SYNE1: variants seen among roughly 807,000 people sequenced by gnomAD.
SYNE1 encodes spectrin repeat containing nuclear envelope protein 1.
Under a neutral mutation model 1,111.0 loss-of-function variants are expected in SYNE1, and 616 were observed. That is an observed-to-expected ratio of 0.55 (90% confidence interval 0.52 to 0.59). SYNE1 has a LOEUF of 0.59. SYNE1 is among the 20% of genes least tolerant of loss of function. The pLI is 0.00. For missense variants in SYNE1, 10,006 were observed against 10,417.0 expected (o/e 0.96, Z 1.72); for synonymous variants, 3,855 against 3,825.8 (o/e 1.01, Z -0.28).
At position 152,611,983 on chromosome 6, in the gene SYNE1, G is replaced by A. The variant is rs540839746; in HGVS notation, c.67+16282C>T. On this transcript the variant is annotated intron_variant, in intron 3 of 145. Transcript: ENST00000367255. ...AGACACAGCATACCAGAATCTCTGGGACACATTTAAAGCAGTGTGTAGAGG... is the reference window on the plus strand; with the variant it reads ...AGACACAGCATACCAGAATCTCTGGAACACATTTAAAGCAGTGTGTAGAGG... Among the ~76,000 whole-genome samples the A allele has an allele frequency of 2.6e-5, 4 of 151,946 alleles. No individual in the cohort carries two copies. The East Asian group carries it at 7.8e-4, about 30-fold the overall frequency.
intron 12 of SYNE1, among the ~76,000 whole-genome samples, chr6:152,485,462 T>G (rs145447629): frequency 1.3e-5 from 2 of 152,324 alleles, no homozygotes; most frequent in Non-Finnish European, 1.5e-5. Context: ...CTGTCTAGAT[T>G]TGTGTTTAAG....
intron 53 of SYNE1, among the ~76,000 whole-genome samples, chr6:152,388,092 C>T (rs185317127): frequency 6.6e-6 from 1 of 152,258 alleles, no homozygotes; most frequent in African/African-American, 2.4e-5. Context: ...TGCATACAAG[C>T]CTATGAGTCT....
chr6:152,268,025 G>T, intron 100 of SYNE1, 31 bp downstream of exon 100: 2 of 1,556,118 alleles, frequency 1.3e-6, no homozygotes, highest in Non-Finnish European at 1.8e-6. Flanking sequence ...GAAACACAAT[G>T]AAGAGAAAAT....
chr6:152,236,220 G>A lies in SYNE1; in HGVS notation c.20283C>T (p.Ser6761=), dbSNP rs2084000768. ...DDGKRLLISI[S]CSDLESQLNQ... ...TTAGTTGGCTTTCTAGATCTGAGCA[G>A]CTGATGGATATCAGAAGTCGTTTCC... Residue 6761 remains serine, a synonymous_variant, in exon 110 of 146, where the codon AGC becomes AGT. Coordinates refer to ENST00000367255, the MANE Select transcript of SYNE1 (RefSeq NM_182961.4). The A allele has an allele frequency of 1.2e-6, 2 of 1,613,992 alleles. No individual in the cohort carries two copies.
At chr6:152,237,391 A>G (rs73005452) in intron 108 of SYNE1, among the ~76,000 whole-genome samples, 8,231 of 148,080 alleles carry the variant, frequency 0.056, 319 homozygotes, top group Admixed American at 0.1. Context: ...ATCACTGTAG[A>G]CTCGAACTCC....
chr6:152,423,763 C>T (rs1421119216), intron 39 of SYNE1, among the ~76,000 whole-genome samples: 2 of 152,156 alleles, frequency 1.3e-5, no homozygotes, highest in African/African-American at 4.8e-5. Flanking sequence ...ACAGCTCTGC[C>T]CCATATTCCC....
At chr6:152,222,465 A>G (rs1489592524) in intron 117 of SYNE1, among the ~76,000 whole-genome samples, 1 of 152,356 alleles carries the variant, frequency 6.6e-6, no homozygotes, top group South Asian at 2.1e-4. Flanking sequence ...GACTCTAAGA[A>G]GGCACAGCTT....
chr6:152,291,895 T>C (rs982858283), intron 95 of SYNE1, among the ~76,000 whole-genome samples: 2 of 152,108 alleles, frequency 1.3e-5, no homozygotes, highest in Non-Finnish European at 1.5e-5. Flanking sequence ...CTATATTCCT[T>C]CTGAATGCTT....
intron 3 of SYNE1, among the ~76,000 whole-genome samples, chr6:152,614,941 T>C (rs1269929340): frequency 1.3e-5 from 2 of 151,926 alleles, no homozygotes; most frequent in Non-Finnish European, 2.9e-5. Flanking sequence ...ATGAGAACAC[T>C]TGGAGACGGG....
intron 86 of SYNE1, 61 bp downstream of exon 86, chr6:152,318,020 A>T: frequency 6.3e-7 from 1 of 1,594,774 alleles, no homozygotes; most frequent in Non-Finnish European, 8.6e-7. Context: ...TTCAAAAGAG[A>T]AAAGCAGAAC....
chr6:152,138,298 G>A (rs1264706279), intron 140 of SYNE1, among the ~76,000 whole-genome samples: 1 of 151,978 alleles, frequency 6.6e-6, no homozygotes, highest in African/African-American at 2.4e-5. Flanking sequence ...ATCACTTGAG[G>A]TCAGGAATTC....
Position 152,334,189 on chromosome 6 carries a change from A to C in SYNE1, c.12613T>G (p.Ser4205Ala), listed in dbSNP as rs1451246608. ...KVNKLTKKEE[S>A]PEHKEINHLN... ...TGATTTATTTCCTTGTGTTCAGGCG[A>C]TTCCTCCTTCTTTGTTAACTTATTC... Residue 4205 changes from serine to alanine, a missense_variant, in exon 77 of 146, where the codon TCG becomes GCG. This residue lies in a region of SYNE1 where 4,955 missense variants were observed against 5,017.2 expected (regional missense o/e 0.99). Coordinates refer to ENST00000367255, the MANE Select transcript of SYNE1 (RefSeq NM_182961.4). The C allele has an allele frequency of 6.2e-7, 1 of 1,613,014 alleles. No homozygotes were observed. The highest frequency in any genetic ancestry group is 2.2e-5 in the East Asian group (1 of 44,884).
At chr6:152,346,164 CTTTA>C (rs1258593678) in intron 73 of SYNE1, among the ~76,000 whole-genome samples, 2 of 151,942 alleles carry the variant, frequency 1.3e-5, no homozygotes, top group East Asian at 1.9e-4. Context: ...AACAAATTAA[CTTTA>C]TTTATTTATT....
intron 36 of SYNE1, among the ~76,000 whole-genome samples, chr6:152,428,822 A>C (rs1251566145): frequency 6.6e-6 from 1 of 152,164 alleles, no homozygotes; most frequent in Non-Finnish European, 1.5e-5. Context: ...GAAAATGAGA[A>C]GAAAGTGACT....
chr6:152,460,227 G>A (rs1000043733), intron 21 of SYNE1, among the ~76,000 whole-genome samples: 3 of 152,264 alleles, frequency 2.0e-5, no homozygotes, highest in African/African-American at 7.2e-5. Context: ...AATTGGAAAT[G>A]TTGACTTCAA....
intron 87 of SYNE1, among the ~76,000 whole-genome samples, chr6:152,312,733 T>C (rs1216517355): frequency 2.0e-5 from 3 of 151,604 alleles, no homozygotes; most frequent in Non-Finnish European, 4.4e-5. Context: ...AAATATCTCA[T>C]CACTTTATAA....
intron 76 of SYNE1, 87 bp downstream of exon 76, chr6:152,336,754 C>T: frequency 6.7e-7 from 1 of 1,486,946 alleles, no homozygotes; most frequent in Non-Finnish European, 9.3e-7. Context: ...GACACTCAGG[C>T]ATATTGAAGT....
intron 70 of SYNE1, among the ~76,000 whole-genome samples, chr6:152,351,617 T>C (rs909025190): frequency 6.6e-6 from 1 of 152,212 alleles, no homozygotes; most frequent in Non-Finnish European, 1.5e-5. Flanking sequence ...TGATATGTCA[T>C]TTTCAATTTA....
rs1467467546 is a variant in SYNE1 at position 152,317,974 on chromosome 6, T to A, written c.16572+107A>T. Reference sequence around the variant, plus strand: ...AAGCTACACCTAAACTACTCTCTCATTGTCCATTTTATCTTTTTATTTATG... The same window carrying A: ...AAGCTACACCTAAACTACTCTCTCAATGTCCATTTTATCTTTTTATTTATG... On this transcript the variant is annotated intron_variant, in intron 86 of 145. Coordinates refer to ENST00000367255, the MANE Select transcript of SYNE1 (RefSeq NM_182961.4). The A allele has an allele frequency of 2.8e-6, 4 of 1,442,402 alleles. No homozygotes were observed. The African/African-American group carries it at 5.6e-5, about 20-fold the overall frequency. 89.4% of individuals were successfully genotyped at this position (1,442,402 alleles called of 1,614,324 possible).
Sources: allele counts gnomAD v4.1 joint callset (sites outside exome capture counted in the v4.1 genomes callset), GRCh38; gene constraint gnomAD v4.1.1; regional missense constraint gnomAD v4.1.1; transcripts MANE v1.5; gene names NCBI Gene and HGNC (gene_info 2026-07-23, HGNC 2026-07-21).